The following ZNF398 variants were observed in gnomAD, a reference collection of about 807,000 sequenced individuals.
ZNF398 encodes the protein zinc finger DNA binding protein ZER6.
In ZNF398, 18 loss-of-function variants were observed where a neutral mutation model predicts 41.9. That is an observed-to-expected ratio of 0.43 (90% CI 0.30 to 0.64). ZNF398 has a LOEUF of 0.64. ZNF398 is among the 30% of genes least tolerant of loss of function. The pLI is 0.14. For synonymous variants in ZNF398, 260 were observed against 308.8 expected, an observed-to-expected ratio of 0.84 and a Z score of 1.66; for missense variants, 669 against 822.8, an observed-to-expected ratio of 0.81 and a Z score of 2.29.
At chr7:149,136,750 A>G (rs1044323790) in intron 2 of ZNF398, among the ~76,000 whole-genome samples, 22 of 150,820 alleles carry the variant, frequency 1.5e-4, no homozygotes, top group Admixed American at 1.3e-3. Flanking sequence ...TAATATTTTT[A>G]GTAGAGACAG....
At chr7:149,145,583 G>T (rs1826920815), upstream of ZNF398, among the ~76,000 whole-genome samples, 1 of 152,196 alleles carries the variant, frequency 6.6e-6, no homozygotes, top group Admixed American at 6.5e-5. Context: ...GAGTTCCGGT[G>T]AAACAGTTGA....
At chr7:149,173,122 TG>T (rs1795385977) in intron 4 of ZNF398, among the ~76,000 whole-genome samples, 1 of 73,480 alleles carries the variant, frequency 1.4e-5, no homozygotes, top group Non-Finnish European at 2.7e-5. Context: ...TTTTTTTTTT[TG>T]AGACAGAGTC....
chr7:149,153,393 A>G (rs1021137832), intron 1 of ZNF398, among the ~76,000 whole-genome samples: 9 of 152,154 alleles, frequency 5.9e-5, no homozygotes, highest in African/African-American at 2.2e-4. Context: ...TGCCCTCTGG[A>G]GTAACATAGT....
intron 2 of ZNF398, among the ~76,000 whole-genome samples, chr7:149,130,211 TCAGCCTC>T (rs1826570412): frequency 6.6e-6 from 1 of 152,188 alleles, no homozygotes. Flanking sequence ...CTCCCCCACC[TCAGCCTC>T]CTGAGTAGGT....
At chr7:149,177,561 GGA>G (rs960123837) in intron 5 of ZNF398, among the ~76,000 whole-genome samples, 19 of 152,188 alleles carry the variant, frequency 1.2e-4, no homozygotes, top group African/African-American at 3.6e-4. Flanking sequence ...GGAAAGATGG[GGA>G]GAGAGGGGTA....
At chr7:149,134,332 C>G (rs1826668730) in intron 2 of ZNF398, among the ~76,000 whole-genome samples, 1 of 151,718 alleles carries the variant, frequency 6.6e-6, no homozygotes, top group East Asian at 1.9e-4. Flanking sequence ...AATCCAACCC[C>G]CCTCCCCACC....
rs1483673161 is a variant in ZNF398, at chr7:149,133,678, T to TATATATATATATATATACACAC, written c.-490+4735_-490+4736insTATATATATATATATACACACA. Reference sequence around the variant, plus strand: ...AAATATATATATATATATATATATATACATATATATGTGTGTATATATATA... The same window carrying TATATATATATATATATACACAC: ...AAATATATATATATATATATATATATATATATATATATATATACACACACATATATATGTGTGTATATATATA... On this transcript the variant is annotated intron_variant, in intron 2 of 6. Transcript: ENST00000426851. Among the ~76,000 whole-genome samples the TATATATATATATATATACACAC allele has an allele frequency of 4.3e-4, 29 of 66,934 alleles. 1 individual carries two copies. The highest frequency in any genetic ancestry group is 1.8e-3 in the African/African-American group (29 of 16,370). 43.9% of individuals were successfully genotyped at this position (66,934 alleles called of 152,430 possible). A position where few individuals can be genotyped will look rare whatever the true frequency, so the allele number is the denominator to read the frequency against.
At chr7:149,177,663 A>G (rs73160365) in intron 5 of ZNF398, among the ~76,000 whole-genome samples, 11,303 of 152,264 alleles carry the variant, frequency 0.074, 419 homozygotes, top group Middle Eastern at 0.092. Context: ...ACAGCTGACC[A>G]CAGTGATGGG....
chr7:149,170,915 CTTT>C (rs751724829), intron 4 of ZNF398, among the ~76,000 whole-genome samples: 1 of 141,590 alleles, frequency 7.1e-6, no homozygotes. Context: ...AACATTTTTT[CTTT>C]TTTTTTTTTG....
At chr7:149,142,622 G>A (rs1202124616), upstream of ZNF398, among the ~76,000 whole-genome samples, 3 of 152,190 alleles carry the variant, frequency 2.0e-5, no homozygotes, top group South Asian at 2.1e-4. Context: ...AGCCAAGATC[G>A]CGCCACTGCA....
chr7:149,158,364 G>T (rs534189882), intron 2 of ZNF398, among the ~76,000 whole-genome samples: 1 of 152,186 alleles, frequency 6.6e-6, no homozygotes, highest in East Asian at 1.9e-4. Flanking sequence ...GAGTGAATGC[G>T]AAGAGAAAAA....
At chr7:149,166,562 C>T (rs1401650771) in intron 3 of ZNF398, among the ~76,000 whole-genome samples, 1 of 152,196 alleles carries the variant, frequency 6.6e-6, no homozygotes, top group Non-Finnish European at 1.5e-5. Context: ...GACTTCTCCC[C>T]CTTGAGGCAC....
intron 2 of ZNF398, 139 bp downstream of exon 2, chr7:149,154,479 G>T: frequency 9.4e-7 from 1 of 1,064,536 alleles, no homozygotes; most frequent in African/African-American, 1.6e-5. Flanking sequence ...TCATGAAGGT[G>T]TTTTATGTTT....
At chr7:149,140,544 C>G (rs149243823) in intron 2 of ZNF398, among the ~76,000 whole-genome samples, 19 of 151,976 alleles carry the variant, frequency 1.3e-4, no homozygotes, top group Non-Finnish European at 4.4e-5. Flanking sequence ...CCACTATGCC[C>G]GGCTAACTTT....
chr7:149,129,795 G>A (rs1826562004), intron 2 of ZNF398, among the ~76,000 whole-genome samples: 1 of 151,696 alleles, frequency 6.6e-6, no homozygotes, highest in African/African-American at 2.4e-5. Flanking sequence ...ATACTTATTT[G>A]TTTATTTATT....
At chr7:149,151,938 T>C (rs1827127051) in intron 1 of ZNF398, among the ~76,000 whole-genome samples, 2 of 152,004 alleles carry the variant, frequency 1.3e-5, no homozygotes, top group Non-Finnish European at 2.9e-5. Flanking sequence ...TAAAATCATA[T>C]ATAAAATAAT....
chr7:149,159,511 G>A (rs1795055307), intron 2 of ZNF398, among the ~76,000 whole-genome samples: 1 of 151,682 alleles, frequency 6.6e-6, no homozygotes, highest in Non-Finnish European at 1.5e-5. Flanking sequence ...AGCCGGGCAT[G>A]GTGGCGGGTG....
At chr7:149,132,494 T>C (rs559396891) in intron 2 of ZNF398, among the ~76,000 whole-genome samples, 115 of 152,180 alleles carry the variant, frequency 7.6e-4, no homozygotes, top group African/African-American at 2.5e-3. Flanking sequence ...CCGCCCGGCC[T>C]AGAGAACAGC....
chr7:149,144,234 A>C (rs994433156), upstream of ZNF398, among the ~76,000 whole-genome samples: 2 of 152,220 alleles, frequency 1.3e-5, no homozygotes, highest in Non-Finnish European at 2.9e-5. Context: ...TTAGTAATAC[A>C]AATGTCCCTG....
Sources: gnomAD v4.1 joint callset for allele counts (sites outside exome capture counted in the v4.1 genomes callset) on GRCh38, gnomAD v4.1.1 for gene constraint, MANE v1.5 for transcripts, NCBI Gene and HGNC (gene_info 2026-07-23, HGNC 2026-07-21) for gene names.